NEK10: variants seen among roughly 807,000 people sequenced by gnomAD.
NEK10 encodes NIMA related kinase 10.
A neutral mutation model predicts 159.8 loss-of-function variants in NEK10; 122 were observed. That is an observed-to-expected ratio of 0.76 (90% CI 0.66 to 0.89). The LOEUF is 0.89. NEK10 is among the 40% of genes least tolerant of loss of function. The pLI, the probability that NEK10 is intolerant of heterozygous loss-of-function variation, is 0.00. For missense variants in NEK10, 1,342 were observed against 1,323.1 expected (o/e 1.01, Z -0.22); for synonymous variants, 466 against 457.1 (o/e 1.02, Z -0.25).
chr3:27,342,429 T>G (rs1473333690), intron 5 of NEK10, among the ~76,000 whole-genome samples: 1 of 152,170 alleles, frequency 6.6e-6, no homozygotes, highest in Admixed American at 6.5e-5. Context: ...AGAATAGAAC[T>G]GAACATAACA....
chr3:27,133,188 G>T (rs1314152940), intron 31 of NEK10, among the ~76,000 whole-genome samples: 3 of 152,156 alleles, frequency 2.0e-5, no homozygotes, highest in South Asian at 2.1e-4. Flanking sequence ...AGCCCGAATG[G>T]AACTGAGTAA....
intron 7 of NEK10, among the ~76,000 whole-genome samples, chr3:27,313,972 A>G (rs1398532929): frequency 2.6e-5 from 4 of 152,136 alleles, no homozygotes; most frequent in Non-Finnish European, 4.4e-5. Context: ...TCAGCTTCCC[A>G]AAGTGCGAGG....
intron 23 of NEK10, among the ~76,000 whole-genome samples, chr3:27,249,543 C>G (rs891705351): frequency 6.6e-6 from 1 of 152,030 alleles, no homozygotes; most frequent in Admixed American, 6.6e-5. Flanking sequence ...ATAGCTACTT[C>G]TGCTCTTTTT....
chr3:27,323,015 G>A lies in NEK10; in HGVS notation c.363-754C>T, dbSNP rs1323478245. Among the ~76,000 whole-genome samples, 3 of 152,290 alleles carry A rather than the reference G, an allele frequency of 2.0e-5. No individual in the cohort carries two copies. In the East Asian group the frequency reaches 5.8e-4, roughly 29 times the overall value. On this transcript the variant is annotated intron_variant, in intron 5 of 35. Coordinates refer to ENST00000691995, the MANE Select transcript of NEK10 (RefSeq NM_001394966.1). The stretch of plus-strand genomic sequence containing the variant: ...TGAGGCAGTTTGGTGCTCAGTTTGG[G>A]AAACACAGGGATAAAGTATTTTTTT...
intron 23 of NEK10, among the ~76,000 whole-genome samples, chr3:27,254,183 G>C (rs1288805512): frequency 6.6e-6 from 1 of 152,046 alleles, no homozygotes; most frequent in East Asian, 1.9e-4. Flanking sequence ...ATGAGATTTT[G>C]GTTTTTTTCA....
intron 23 of NEK10, among the ~76,000 whole-genome samples, chr3:27,209,554 T>C (rs1174562618): frequency 2.0e-5 from 3 of 152,236 alleles, no homozygotes; most frequent in African/African-American, 7.2e-5. Flanking sequence ...CAAAACACAT[T>C]TGAAGATATG....
intron 23 of NEK10, among the ~76,000 whole-genome samples, chr3:27,251,848 T>C (rs966417128): frequency 6.6e-6 from 1 of 152,108 alleles, no homozygotes; most frequent in Non-Finnish European, 1.5e-5. Context: ...ACTGTTGTAG[T>C]AACTATGTAA....
chr3:27,162,511 C>T, intron 30 of NEK10, 190 bp downstream of exon 30: 1 of 1,614,172 alleles, frequency 6.2e-7, no homozygotes, highest in Non-Finnish European at 8.5e-7. Context: ...ATGGGACTGC[C>T]ACCCTGTCAC....
chr3:27,352,519 A>G lies in NEK10; in HGVS notation c.78T>C (p.Tyr26=). The G allele has an allele frequency of 6.2e-7, 1 of 1,607,496 alleles. No homozygotes were observed. The highest frequency in any genetic ancestry group is 2.2e-5 in the East Asian group (1 of 44,838). Residue 26 remains tyrosine (Y), a synonymous_variant, in exon 3 of 36, where the codon TAT becomes TAC. Transcript: ENST00000691995. Reference sequence around the variant, plus strand: ...GGCACCGAAGTCTTTTAAGATCTGAATAGTCCCTAGGAGAGAGAATAACAC... The same window carrying G: ...GGCACCGAAGTCTTTTAAGATCTGAGTAGTCCCTAGGAGAGAGAATAACAC... ...DKQQEITIRD[Y]SDLKRLRCLL... is the part of the protein sequence containing the mutation.
At position 27,153,242 on chromosome 3, in the gene NEK10, C is replaced by T. The variant is rs1365437963; in HGVS notation, c.2869+9459G>A. Among the ~76,000 whole-genome samples the T allele has an allele frequency of 2.6e-5, 4 of 151,494 alleles. No homozygotes were observed. In the South Asian group the frequency reaches 8.4e-4, roughly 32 times the overall value. ...GGCTGAGGCAGAAGAATGGCGTGAACCTGGGAGGCGAAGCTTGCAGTGAGC... is the reference window on the plus strand; with the variant it reads ...GGCTGAGGCAGAAGAATGGCGTGAATCTGGGAGGCGAAGCTTGCAGTGAGC... On this transcript the variant is annotated intron_variant, in intron 30 of 35. Transcript: ENST00000691995.
In NEK10 at chr3:27,304,920, C is replaced by G. The variant is rs1174576763; in HGVS notation, c.855G>C (p.Glu285Asp). 6.2e-7 allele frequency: 1 copy of G among 1,613,618 alleles called. No individual in the cohort carries two copies. The highest frequency in any genetic ancestry group is 8.5e-7 in the Non-Finnish European group (1 of 1,179,792). Reference protein sequence around the residue: ...RLLCAEPQVKEQVKLYEGIPV... With the variant: ...RLLCAEPQVKDQVKLYEGIPV... ...GTATCCCCTCATAGAGCTTCACCTG[C>G]TCTTTCACCTGGGGCTCTGCACAAA... The change falls in exon 12 of 36, where the codon GAG (glutamate) becomes GAC (aspartate). Residue 285 changes from glutamate to aspartate, a missense_variant. Coordinates refer to ENST00000691995, the MANE Select transcript of NEK10 (RefSeq NM_001394966.1).
chr3:27,319,933 A>C (rs2045497702), intron 6 of NEK10, among the ~76,000 whole-genome samples: 5 of 152,184 alleles, frequency 3.3e-5, no homozygotes, highest in Admixed American at 3.3e-4. Flanking sequence ...TACTGACTGA[A>C]CAAGAGAGGA....
At chr3:27,267,904 G>A (rs1430259080) in intron 22 of NEK10, among the ~76,000 whole-genome samples, 2 of 152,218 alleles carry the variant, frequency 1.3e-5, no homozygotes, top group African/African-American at 4.8e-5. Context: ...AAACAGCCAT[G>A]TTGTAATGGA....
intron 23 of NEK10, among the ~76,000 whole-genome samples, chr3:27,235,915 G>A (rs1431777765): frequency 1.3e-5 from 2 of 152,040 alleles, no homozygotes; most frequent in Non-Finnish European, 2.9e-5. Context: ...GTAAAAAAAA[G>A]TGATACATAT....
intron 30 of NEK10, among the ~76,000 whole-genome samples, chr3:27,145,187 T>C (rs1160634022): frequency 6.6e-6 from 1 of 152,098 alleles, no homozygotes; most frequent in East Asian, 1.9e-4. Context: ...TGAGAATATT[T>C]GTATTAAAAC....
At chr3:27,308,790 T>C (rs2044444748) in intron 10 of NEK10, 136 bp downstream of exon 10, 1 of 431,934 alleles carries the variant, frequency 2.3e-6, no homozygotes, top group Non-Finnish European at 4.2e-6. Context: ...CAGGATTCTC[T>C]TCAACATGTT....
At chr3:27,114,995 C>T (rs1006373546) in intron 35 of NEK10, among the ~76,000 whole-genome samples, 1 of 152,134 alleles carries the variant, frequency 6.6e-6, no homozygotes, top group Non-Finnish European at 1.5e-5. Context: ...TAAAGAAATT[C>T]AATAATGGAA....
chr3:27,185,009 T>C (rs896360096), intron 26 of NEK10, among the ~76,000 whole-genome samples: 9 of 152,226 alleles, frequency 5.9e-5, no homozygotes, highest in African/African-American at 2.2e-4. Context: ...TCAATTCTTA[T>C]ATGCTCAACT....
chr3:27,209,111 A>AT (rs35388578), intron 23 of NEK10, among the ~76,000 whole-genome samples: 35,730 of 152,168 alleles, frequency 0.23, 4,533 homozygotes, highest in Middle Eastern at 0.38. Flanking sequence ...TCCACTAAAA[A>AT]ATAGGACAGC....
Sources: allele counts gnomAD v4.1 joint callset (sites outside exome capture counted in the v4.1 genomes callset), GRCh38; gene constraint gnomAD v4.1.1; transcripts MANE v1.5; gene names NCBI Gene and HGNC (gene_info 2026-07-23, HGNC 2026-07-21).